The following DNAJB14 variants were observed in gnomAD, a reference collection of about 807,000 sequenced individuals.
The protein encoded by DNAJB14 is DnaJ heat shock protein family (Hsp40) member B14, also known as dnaJ homolog subfamily B member 14.
In DNAJB14, 22 loss-of-function variants were observed where a neutral mutation model predicts 48.4. The ratio of observed to expected loss-of-function variants is 0.45; its 90% CI spans 0.32 to 0.65. The LOEUF is 0.65. Ranked by LOEUF, DNAJB14 falls within the 30% of genes least tolerant of loss-of-function variation. The probability of loss-of-function intolerance (pLI) is 0.03; values close to 1 mark genes in which losing one functional copy is unlikely to be tolerated. For synonymous variants in DNAJB14, 142 were observed against 158.7 expected, an observed-to-expected ratio of 0.89 and a Z score of 0.79; for missense variants, 319 against 458.8, an observed-to-expected ratio of 0.70 and a Z score of 2.78.
chr4:99,914,387 C>T (rs987738640), intron 3 of DNAJB14, among the ~76,000 whole-genome samples: 22 of 152,068 alleles, frequency 1.4e-4, no homozygotes, highest in African/African-American at 5.1e-4. Context: ...AGCAAACTAT[C>T]GCAAGGACAA....
chr4:99,924,078 G>A (rs921647751), intron 2 of DNAJB14, among the ~76,000 whole-genome samples: 17 of 152,100 alleles, frequency 1.1e-4, no homozygotes, highest in African/African-American at 1.7e-4. Context: ...AGAACATTAC[G>A]TACATGTGGA....
intron 4 of DNAJB14, among the ~76,000 whole-genome samples, chr4:99,908,373 T>C (rs1725540077): frequency 6.6e-6 from 1 of 152,124 alleles, no homozygotes; most frequent in Non-Finnish European, 1.5e-5. Flanking sequence ...CAAATAGTTA[T>C]CCAGGTTTAA....
intron 1 of DNAJB14, among the ~76,000 whole-genome samples, chr4:99,945,169 C>A (rs1200097259): frequency 2.0e-5 from 3 of 152,132 alleles, no homozygotes; most frequent in Non-Finnish European, 2.9e-5. Context: ...ATGGACTGCA[C>A]ACTTAAAAAT....
intron 3 of DNAJB14, among the ~76,000 whole-genome samples, chr4:99,910,724 G>A (rs1478065645): frequency 6.6e-6 from 1 of 151,404 alleles, no homozygotes; most frequent in Non-Finnish European, 1.5e-5. Context: ...AGATTTTTTT[G>A]CAGTTCCTTA....
chr4:99,921,197 G>A (rs1460246962), intron 3 of DNAJB14, among the ~76,000 whole-genome samples: 4 of 152,160 alleles, frequency 2.6e-5, no homozygotes, highest in Non-Finnish European at 4.4e-5. Flanking sequence ...TCCTCTTTGG[G>A]ACTAATAAAC....
At chr4:99,918,091 G>A (rs1411019168) in intron 3 of DNAJB14, among the ~76,000 whole-genome samples, 2 of 151,950 alleles carry the variant, frequency 1.3e-5, no homozygotes, top group African/African-American at 2.4e-5. Flanking sequence ...TTTCTTCTAG[G>A]ACACCAATCA....
intron 3 of DNAJB14, among the ~76,000 whole-genome samples, chr4:99,911,463 C>T (rs80302868): frequency 0.036 from 5,548 of 152,078 alleles, 151 homozygotes; most frequent in Middle Eastern, 0.11. Flanking sequence ...GAGAAACTGC[C>T]CAACTGTTGT....
At chr4:99,905,764 C>T (rs1176528281) in intron 5 of DNAJB14, 58 bp from the exon 6 acceptor site, 9 of 1,528,036 alleles carry the variant, frequency 5.9e-6, no homozygotes, top group Non-Finnish European at 8.1e-6. Flanking sequence ...GTTAATAATA[C>T]AACAGTTGTC....
rs1553944896 is a variant in DNAJB14, at chr4:99,897,201, A to AATATAT, written c.*3821_*3826dup. ...TAATTAGCTGGGAAAAAAAAAAAAA[A>AATATAT]ATATATATATATATATATACACCTA... On this transcript the variant is annotated 3_prime_UTR_variant, in exon 8 of 8. Transcript: ENST00000442697. 5 of 133,836 alleles carry AATATAT rather than the reference A, an allele frequency of 3.7e-5. No individual in the cohort carries two copies. Among genetic ancestry groups the AATATAT allele is most frequent in the African/African-American group, 1.4e-4 (5 of 35,330 alleles). 8.3% of individuals were successfully genotyped at this position (133,836 alleles called of 1,614,324 possible).
At chr4:99,919,849 C>T (rs1725991320) in intron 3 of DNAJB14, among the ~76,000 whole-genome samples, 1 of 152,210 alleles carries the variant, frequency 6.6e-6, no homozygotes, top group Non-Finnish European at 1.5e-5. Flanking sequence ...CTCATTTTCG[C>T]TGCCAAGGTT....
intron 3 of DNAJB14, among the ~76,000 whole-genome samples, chr4:99,914,649 T>A (rs372984994): frequency 2.9e-4 from 44 of 151,842 alleles, no homozygotes; most frequent in Admixed American, 3.3e-4. Context: ...ATAATAAAAA[T>A]ATATATATAA....
Position 99,899,293 on chromosome 4 carries a change from T to G in DNAJB14, c.*1735A>C, listed in dbSNP as rs995233112. The G allele has an allele frequency of 2.0e-5, 3 of 151,910 alleles. No homozygotes were observed. Among genetic ancestry groups the G allele is most frequent in the Non-Finnish European group, 4.4e-5 (3 of 67,774 alleles). 9.4% of individuals were successfully genotyped at this position (151,910 alleles called of 1,614,324 possible). A position where few individuals can be genotyped will look rare whatever the true frequency, so the allele number is the denominator to read the frequency against. ...ATTTTCATAAATTTTCTGATGCATA[T>G]GAACTTTCAAAGTTAATTAAAATGC... is the stretch of plus-strand genomic sequence containing the variant. On this transcript the variant is annotated 3_prime_UTR_variant, in exon 8 of 8. Coordinates refer to ENST00000442697, the MANE Select transcript of DNAJB14 (RefSeq NM_001031723.4).
chr4:99,910,741 A>G (rs1725629386), intron 3 of DNAJB14, among the ~76,000 whole-genome samples: 1 of 151,980 alleles, frequency 6.6e-6, no homozygotes, highest in Non-Finnish European at 1.5e-5. Context: ...CTTATTATCT[A>G]AATAATTATA....
At position 99,903,857 on chromosome 4, in the gene DNAJB14, C is replaced by A; in HGVS notation, c.884G>T (p.Gly295Val). ...GTCCTTGTTGACATAATAAACAACA[C>A]CCAAGTTTTCTGTTTGCATTTTAAT... Reference protein sequence around the residue: ...QTIKMQTENLGVVYYVNKDFK... With the variant: ...QTIKMQTENLVVVYYVNKDFK... The change falls in exon 7 of 8, where the codon GGT (glycine) becomes GTT (valine). Residue 295 changes from glycine (G) to valine (V), a missense_variant. Around this residue, in one of 3 missense-constraint regions of DNAJB14, gnomAD observed 166 missense variants for 236.3 expected, o/e 0.70. Coordinates refer to ENST00000442697, the MANE Select transcript of DNAJB14 (RefSeq NM_001031723.4). The A allele has an allele frequency of 6.2e-7, 1 of 1,612,434 alleles. No individual in the cohort carries two copies. Among genetic ancestry groups the A allele is most frequent in the South Asian group, 1.1e-5 (1 of 90,928 alleles).
chr4:99,915,815 G>C (rs1405868783), intron 3 of DNAJB14, among the ~76,000 whole-genome samples: 3 of 152,154 alleles, frequency 2.0e-5, no homozygotes, highest in South Asian at 4.1e-4. Flanking sequence ...ATCAATTATT[G>C]AGAGAGAGGT....
intron 3 of DNAJB14, 139 bp downstream of exon 3, chr4:99,922,901 G>T: frequency 2.0e-6 from 2 of 1,008,552 alleles, no homozygotes; most frequent in East Asian, 2.7e-5. Flanking sequence ...TAATACTGAA[G>T]TTTTAAAGGA....
intron 4 of DNAJB14, among the ~76,000 whole-genome samples, chr4:99,907,967 G>A (rs919817059): frequency 1.3e-5 from 2 of 152,092 alleles, no homozygotes; most frequent in African/African-American, 4.8e-5. Context: ...TAAACATGAT[G>A]TACTATATGC....
At chr4:99,930,672 A>G (rs776676266) in intron 1 of DNAJB14, 51 bp from the exon 2 acceptor site, 2 of 1,516,570 alleles carry the variant, frequency 1.3e-6, no homozygotes, top group Non-Finnish European at 1.8e-6. Context: ...GTACATACAC[A>G]AGATCCTGAG....
rs1182197149 is a variant in DNAJB14 at position 99,946,465 on chromosome 4, T to C, written c.107A>G (p.Lys36Arg). 1 of 1,613,368 alleles carries C rather than the reference T, an allele frequency of 6.2e-7. No homozygotes were observed. Among genetic ancestry groups the C allele is most frequent in the Admixed American group, 1.7e-5 (1 of 59,996 alleles). ...KAQRFLQKAEKLYPLPSARAL... is the reference protein window; with the variant it reads ...KAQRFLQKAERLYPLPSARAL... ...GCGGGCCGAGGGCAGTGGGTAGAGCTTCTCGGCCTTCTGCAGGAAGCGCTG... is the reference window on the plus strand; with the variant it reads ...GCGGGCCGAGGGCAGTGGGTAGAGCCTCTCGGCCTTCTGCAGGAAGCGCTG... Residue 36 changes from lysine to arginine, a missense_variant, in exon 1 of 8, where the codon AAG becomes AGG. Transcript: ENST00000442697.
Sources: gnomAD v4.1 joint callset for allele counts (sites outside exome capture counted in the v4.1 genomes callset) on GRCh38, gnomAD v4.1.1 for gene constraint, gnomAD v4.1.1 regional missense constraint, MANE v1.5 for transcripts, NCBI Gene and HGNC (gene_info 2026-07-23, HGNC 2026-07-21) for gene names.